Variants in DLG1 observed in about 807,000 individuals in gnomAD.
The protein encoded by DLG1 is disks large homolog 1.
Under a neutral mutation model 123.4 loss-of-function variants are expected in DLG1, and 42 were observed. The ratio of observed to expected loss-of-function variants is 0.34; its 90% CI spans 0.27 to 0.44. The LOEUF (loss-of-function observed/expected upper bound fraction) is 0.44, where lower values mean the gene tolerates loss of function less well. DLG1 is among the 20% of genes least tolerant of loss of function. The probability of loss-of-function intolerance (pLI) is 1.00; values close to 1 mark genes in which losing one functional copy is unlikely to be tolerated. For missense variants in DLG1, 942 were observed against 1,082.6 expected (o/e 0.87, Z 1.82); for synonymous variants, 317 against 356.2 (o/e 0.89, Z 1.24).
intron 5 of DLG1, among the ~76,000 whole-genome samples, chr3:197,159,814 C>G (rs183721684): frequency 1.3e-5 from 2 of 152,218 alleles, no homozygotes; most frequent in Non-Finnish European, 2.9e-5. Flanking sequence ...TAAAGTGAAG[C>G]TATGCAGAAT....
At chr3:197,129,236 ATCT>A (rs1169682987) in intron 11 of DLG1, among the ~76,000 whole-genome samples, 1 of 152,164 alleles carries the variant, frequency 6.6e-6, no homozygotes, top group Non-Finnish European at 1.5e-5. Flanking sequence ...TCATAGCCAG[ATCT>A]TCTGGATAAC....
intron 5 of DLG1, among the ~76,000 whole-genome samples, chr3:197,152,537 G>A (rs1215367042): frequency 1.3e-5 from 2 of 150,860 alleles, no homozygotes; most frequent in Non-Finnish European, 3.0e-5. Flanking sequence ...AGCACTCTGG[G>A]AGGCCAAGGC....
chr3:197,100,680 G>A (rs965618940), intron 14 of DLG1, among the ~76,000 whole-genome samples: 1 of 152,126 alleles, frequency 6.6e-6, no homozygotes, highest in African/African-American at 2.4e-5. Context: ...AACAGGGTAT[G>A]GAGACCCACC....
At chr3:197,136,978 A>G (rs1198978712) in intron 9 of DLG1, among the ~76,000 whole-genome samples, 1 of 152,218 alleles carries the variant, frequency 6.6e-6, no homozygotes, top group African/African-American at 2.4e-5. Flanking sequence ...TGTTTCCATC[A>G]TAATTATGCT....
At position 197,244,529 on chromosome 3, in the gene DLG1, T is replaced by A. The variant is rs181608541; in HGVS notation, c.318+38150A>T. Among the ~76,000 whole-genome samples the A allele has an allele frequency of 1.8e-3, 266 of 151,830 alleles. 2 individuals carry two copies. Among genetic ancestry groups the A allele is most frequent in the Admixed American group, 0.014 (213 of 15,236 alleles). ...CGGCCACTTTGGTTTTGTTACTGGGTGAGGAAAGGATAATTGTCTGACAGT... is the reference window on the plus strand; with the variant it reads ...CGGCCACTTTGGTTTTGTTACTGGGAGAGGAAAGGATAATTGTCTGACAGT... On this transcript the variant is annotated intron_variant, in intron 4 of 24. Coordinates refer to ENST00000667157, the MANE Select transcript of DLG1 (RefSeq NM_001366207.1).
chr3:197,286,717 A>G (rs1169633017), intron 3 of DLG1, among the ~76,000 whole-genome samples: 1 of 152,178 alleles, frequency 6.6e-6, no homozygotes, highest in Admixed American at 6.5e-5. Flanking sequence ...TGGCTTATCA[A>G]TTTTAACAAA....
chr3:197,260,316 T>TA (rs776819340), intron 4 of DLG1: 2 of 422,498 alleles, frequency 4.7e-6, no homozygotes, highest in South Asian at 3.5e-5. Context: ...ATTTTATACA[T>TA]AAAGCAAAAC....
At chr3:197,145,124 C>T (rs1418936475) in intron 6 of DLG1, among the ~76,000 whole-genome samples, 2 of 151,954 alleles carry the variant, frequency 1.3e-5, no homozygotes, top group African/African-American at 4.8e-5. Context: ...ACTTCAAGAG[C>T]TGTGTTGATC....
chr3:197,276,278 G>C (rs756833877), intron 4 of DLG1, among the ~76,000 whole-genome samples: 9 of 152,202 alleles, frequency 5.9e-5, no homozygotes, highest in African/African-American at 1.2e-4. Context: ...AATTAAGGCT[G>C]CAGTGAGCAT....
chr3:197,095,945 T>TA (rs1203681584), intron 14 of DLG1, among the ~76,000 whole-genome samples: 1 of 152,190 alleles, frequency 6.6e-6, no homozygotes, highest in Non-Finnish European at 1.5e-5. Flanking sequence ...TGGCAAAGGA[T>TA]ATTATAGAAC....
At chr3:197,105,049 G>A in intron 13 of DLG1, 44 bp from the exon 14 acceptor site, 5 of 1,303,774 alleles carry the variant, frequency 3.8e-6, no homozygotes, top group Non-Finnish European at 5.4e-6. Flanking sequence ...AAGAATCACT[G>A]TGATTAGAAA....
At chr3:197,242,591 T>C (rs1272282657) in intron 4 of DLG1, among the ~76,000 whole-genome samples, 3 of 152,002 alleles carry the variant, frequency 2.0e-5, no homozygotes, top group Admixed American at 6.6e-5. Flanking sequence ...AAATATCTTT[T>C]CTGACCACAA....
intron 4 of DLG1, among the ~76,000 whole-genome samples, chr3:197,230,209 A>C (rs578018405): frequency 1.2e-3 from 183 of 152,356 alleles, no homozygotes; most frequent in African/African-American, 4.2e-3. Flanking sequence ...GATTAATGTT[A>C]TCAAAATGTT....
intron 11 of DLG1, among the ~76,000 whole-genome samples, chr3:197,125,483 C>T (rs1345955488): frequency 1.3e-5 from 2 of 151,846 alleles, no homozygotes; most frequent in African/African-American, 4.8e-5. Flanking sequence ...TAAGCTAATA[C>T]AAATAGAAAA....
At chr3:197,078,717 T>C (rs1327293966) in intron 17 of DLG1, among the ~76,000 whole-genome samples, 2 of 152,208 alleles carry the variant, frequency 1.3e-5, no homozygotes, top group South Asian at 2.1e-4. Context: ...AAAAAAATTA[T>C]GGTAATCTAA....
intron 4 of DLG1, among the ~76,000 whole-genome samples, chr3:197,272,635 T>G (rs1764394949): frequency 6.6e-6 from 1 of 152,164 alleles, no homozygotes; most frequent in Admixed American, 6.5e-5. Context: ...GTAAATATAT[T>G]CTGGTATATC....
intron 5 of DLG1, among the ~76,000 whole-genome samples, chr3:197,158,461 T>TAA (rs10573278): frequency 1.3e-4 from 15 of 118,752 alleles, no homozygotes; most frequent in South Asian, 2.8e-4. Flanking sequence ...CGTCTCTACT[T>TAA]AAAAAAAAAA....
At chr3:197,262,275 A>G (rs1276579308) in intron 4 of DLG1, among the ~76,000 whole-genome samples, 1 of 152,148 alleles carries the variant, frequency 6.6e-6, no homozygotes, top group African/African-American at 2.4e-5. Context: ...ATCAAGCTCT[A>G]TAAAAACTCT....
At chr3:197,158,872 C>CT (rs1797614832) in intron 5 of DLG1, among the ~76,000 whole-genome samples, 17 of 152,092 alleles carry the variant, frequency 1.1e-4, no homozygotes, top group Admixed American at 1.1e-3. Flanking sequence ...TTCAACAATA[C>CT]TTTAATTACA....
Sources: allele counts gnomAD v4.1 joint callset (sites outside exome capture counted in the v4.1 genomes callset), GRCh38; gene constraint gnomAD v4.1.1; transcripts MANE v1.5; gene names NCBI Gene and HGNC (gene_info 2026-07-23, HGNC 2026-07-21).